CMTM8: variants seen among roughly 807,000 people sequenced by gnomAD.
CMTM8 encodes CKLF-like MARVEL transmembrane domain-containing protein 8.
In CMTM8, 12 loss-of-function variants were observed where a neutral mutation model predicts 18.6. The observed-to-expected ratio is 0.65, with a 90% CI of 0.41 to 1.05. The LOEUF (loss-of-function observed/expected upper bound fraction) is 1.05, where lower values mean the gene tolerates loss of function less well. Among genes scored for constraint, CMTM8 ranks in the 50% least tolerant of loss-of-function variants. The pLI is 0.00. For synonymous variants in CMTM8, 87 were observed against 90.6 expected, an observed-to-expected ratio of 0.96 and a Z score of 0.23; for missense variants, 217 against 227.2, an observed-to-expected ratio of 0.95 and a Z score of 0.29.
chr3:32,321,419 G>A (rs1408536090), intron 1 of CMTM8, among the ~76,000 whole-genome samples: 1 of 152,106 alleles, frequency 6.6e-6, no homozygotes, highest in Non-Finnish European at 1.5e-5. Flanking sequence ...AGGGAGGGCA[G>A]GCCTGACCTT....
At chr3:32,264,247 C>A (rs1702299850) in intron 1 of CMTM8, among the ~76,000 whole-genome samples, 2 of 152,206 alleles carry the variant, frequency 1.3e-5, no homozygotes, top group South Asian at 4.1e-4. Flanking sequence ...CTAACAGCTG[C>A]TCTCTCAGCA....
chr3:32,344,847 A>T (rs1044515743), intron 1 of CMTM8, among the ~76,000 whole-genome samples: 20 of 152,064 alleles, frequency 1.3e-4, no homozygotes, highest in Non-Finnish European at 1.0e-4. Flanking sequence ...GTGAGCTGTA[A>T]TTGCACCTCT....
At chr3:32,330,472 G>A (rs1406185250) in intron 1 of CMTM8, among the ~76,000 whole-genome samples, 1 of 151,772 alleles carries the variant, frequency 6.6e-6, no homozygotes, top group Non-Finnish European at 1.5e-5. Flanking sequence ...AACATAATAA[G>A]GCCCTTTTAA....
intron 1 of CMTM8, among the ~76,000 whole-genome samples, chr3:32,307,349 AAG>A (rs937496658): frequency 1.9e-4 from 29 of 152,144 alleles, no homozygotes; most frequent in Non-Finnish European, 2.9e-5. Flanking sequence ...CTTAAAAAAA[AAG>A]AGAAGGTAGA....
At chr3:32,311,507 G>A (rs549069228) in intron 1 of CMTM8, among the ~76,000 whole-genome samples, 4 of 152,264 alleles carry the variant, frequency 2.6e-5, no homozygotes, top group Admixed American at 6.5e-5. Context: ...CCACTCTCCC[G>A]ACTCGTTTTT....
At chr3:32,321,531 A>G (rs1047723941) in intron 1 of CMTM8, among the ~76,000 whole-genome samples, 3 of 152,170 alleles carry the variant, frequency 2.0e-5, no homozygotes, top group Non-Finnish European at 4.4e-5. Flanking sequence ...AATTGCAACC[A>G]CAATCTGCTA....
chr3:32,267,053 C>T (rs1702357625), intron 1 of CMTM8, among the ~76,000 whole-genome samples: 1 of 152,070 alleles, frequency 6.6e-6, no homozygotes, highest in South Asian at 2.1e-4. Context: ...TCAATGCCAT[C>T]CCCATCAAGC....
chr3:32,368,841 A>T (rs1296487424), intron 3 of CMTM8, among the ~76,000 whole-genome samples: 4 of 152,136 alleles, frequency 2.6e-5, no homozygotes, highest in African/African-American at 9.7e-5. Context: ...AAAAACTGGT[A>T]TTAAGAATCT....
At chr3:32,269,563 C>T (rs977864070) in intron 1 of CMTM8, among the ~76,000 whole-genome samples, 23 of 152,134 alleles carry the variant, frequency 1.5e-4, no homozygotes, top group Admixed American at 3.9e-4. Flanking sequence ...GCTAGTTTAG[C>T]GGCTAGCCTG....
At chr3:32,249,961 C>G (rs1047193846) in intron 1 of CMTM8, among the ~76,000 whole-genome samples, 6 of 152,070 alleles carry the variant, frequency 3.9e-5, no homozygotes, top group Admixed American at 3.9e-4. Context: ...TTTGACTAAT[C>G]CAGGGTCACA....
chr3:32,334,102 C>T (rs911095504), intron 1 of CMTM8, among the ~76,000 whole-genome samples: 9 of 151,750 alleles, frequency 5.9e-5, no homozygotes, highest in Middle Eastern at 6.8e-3. Context: ...CCTAAGCCTC[C>T]GGAGTAGCTG....
At chr3:32,367,776 TC>T in intron 2 of CMTM8, 95 bp from the exon 3 acceptor site, 1 of 733,636 alleles carries the variant, frequency 1.4e-6, no homozygotes. Flanking sequence ...CTTGGGCCCC[TC>T]CCCACACCAG....
chr3:32,298,010 G>A (rs910060043), intron 1 of CMTM8, among the ~76,000 whole-genome samples: 1 of 151,590 alleles, frequency 6.6e-6, no homozygotes, highest in Non-Finnish European at 1.5e-5. Flanking sequence ...ATCAGCAGCA[G>A]CCATTGCTCA....
chr3:32,325,789 A>G (rs575026624), intron 1 of CMTM8, among the ~76,000 whole-genome samples: 26 of 152,226 alleles, frequency 1.7e-4, no homozygotes, highest in Non-Finnish European at 2.9e-4. Context: ...CCCATAGTCC[A>G]GCAGATCTCC....
At chr3:32,310,201 G>T (rs551709650) in intron 1 of CMTM8, among the ~76,000 whole-genome samples, 1 of 151,940 alleles carries the variant, frequency 6.6e-6, no homozygotes, top group Non-Finnish European at 1.5e-5. Flanking sequence ...CTAAAGTGTG[G>T]CTTTGAAATT....
In CMTM8 at chr3:32,297,699, A is replaced by G. The variant is rs559368821; in HGVS notation, c.147+58580A>G. Among the ~76,000 whole-genome samples, 54 of 152,082 alleles carry G rather than the reference A, an allele frequency of 3.6e-4. 1 individual carries two copies. The highest frequency in any genetic ancestry group is 1.2e-3 in the African/African-American group (51 of 41,522). On this transcript the variant is annotated intron_variant, in intron 1 of 3. Coordinates refer to ENST00000307526, the MANE Select transcript of CMTM8 (RefSeq NM_178868.5). ...AAAACATTGATGGTGAAAGATAACA[A>G]TTTCTTCTATTGCTCACCAGCCTCA...
intron 1 of CMTM8, among the ~76,000 whole-genome samples, chr3:32,305,042 A>T (rs1470687484): frequency 6.6e-6 from 1 of 152,140 alleles, no homozygotes; most frequent in African/African-American, 2.4e-5. Context: ...GGCAATCTAA[A>T]TCTCCCTTGG....
At chr3:32,326,438 A>G (rs1035361124) in intron 1 of CMTM8, among the ~76,000 whole-genome samples, 16 of 151,596 alleles carry the variant, frequency 1.1e-4, no homozygotes, top group African/African-American at 3.9e-4. Flanking sequence ...TCCTCAAAGC[A>G]GTTAGGTGCC....
chr3:32,246,383 T>G (rs1702016097), intron 1 of CMTM8, among the ~76,000 whole-genome samples: 1 of 152,094 alleles, frequency 6.6e-6, no homozygotes, highest in Non-Finnish European at 1.5e-5. Context: ...TCTGCGTCCC[T>G]CCACAGAAGA....
Sources: gnomAD v4.1 joint callset for allele counts (sites outside exome capture counted in the v4.1 genomes callset) on GRCh38, gnomAD v4.1.1 for gene constraint, MANE v1.5 for transcripts, NCBI Gene and HGNC (gene_info 2026-07-23, HGNC 2026-07-21) for gene names.